P2RY2: variants seen among roughly 807,000 people sequenced by gnomAD.
The protein encoded by P2RY2 is P2Y purinoceptor 2.
For synonymous variants in P2RY2, 241 were observed against 231.9 expected, an observed-to-expected ratio of 1.04 and a Z score of -0.35; for missense variants, 567 against 515.7, an observed-to-expected ratio of 1.10 and a Z score of -0.96.
rs771515142 is a variant in P2RY2, at chr11:73,235,156, C to T, written c.997C>T (p.Arg333Cys). 9.9e-6 allele frequency: 16 copies of T among 1,608,412 alleles called. No individual in the cohort carries two copies. Among genetic ancestry groups the T allele is most frequent in the Non-Finnish European group, 1.4e-5 (16 of 1,179,272 alleles). ...PTGPSPATPA[R>C]RRLGLRRSDR... ...TGGCCCCAGCCCTGCCACCCCGGCT[C>T]GCCGCAGGCTGGGCCTGCGCAGATC... The change falls in exon 3 of 3, where the codon CGC (arginine) becomes TGC (cysteine). Residue 333 changes from arginine (R) to cysteine (C), a missense_variant. By Grantham distance (180) the Arg-to-Cys change is radical. Coordinates refer to ENST00000393597, the MANE Select transcript of P2RY2 (RefSeq NM_002564.4).
At chr11:73,222,374 C>T (rs984463061) in intron 1 of P2RY2, among the ~76,000 whole-genome samples, 22 of 152,010 alleles carry the variant, frequency 1.4e-4, no homozygotes, top group African/African-American at 5.1e-4. Flanking sequence ...TGTGTCGTCT[C>T]CTCCTTGGTC....
rs1565149807 is a variant in P2RY2 at position 73,240,955 on chromosome 11, A to C, written c.*5662A>C. ...CCACAAATCCATATGTCAAAATCCC[A>C]ACTGCCAAGGTGATGGTATTAGAAG... On this transcript the variant is annotated 3_prime_UTR_variant, in exon 3 of 3. Transcript: ENST00000393597. 1.3e-5 allele frequency: 2 copies of C among 152,238 alleles called. No individual in the cohort carries two copies. Among genetic ancestry groups the C allele is most frequent in the Non-Finnish European group, 2.9e-5 (2 of 68,070 alleles). 9.4% of individuals were successfully genotyped at this position (152,238 alleles called of 1,614,324 possible).
chr11:73,235,267 G>T lies in P2RY2; in HGVS notation c.1108G>T (p.Glu370Ter). Residue 370 changes from glutamate (E) to a stop codon, truncating the protein, a stop_gained, in exon 3 of 3, where the codon GAG becomes TAG. Transcript: ENST00000393597. LOFTEE classifies it high-confidence loss of function. Reference protein sequence around the residue: ...RRTESTPAGSENTKDIRL With the variant: ...RRTESTPAGS ...GACAGAGTCCACGCCGGCTGGTAGC[G>T]AGAACACTAAGGACATTCGGCTGTA... The T allele has an allele frequency of 6.3e-7, 1 of 1,576,280 alleles. No homozygotes were observed. The highest frequency in any genetic ancestry group is 8.6e-7 in the Non-Finnish European group (1 of 1,160,866).
rs759262200 is a variant in P2RY2 at position 73,236,092 on chromosome 11, C to T, written c.*799C>T. 44 of 997,828 alleles carry T rather than the reference C, an allele frequency of 4.4e-5. No homozygotes were observed. The highest frequency in any genetic ancestry group is 5.2e-5 in the Non-Finnish European group (43 of 827,912). 61.8% of individuals were successfully genotyped at this position (997,828 alleles called of 1,614,324 possible). ...TATCAGGGATCCTCTCTCCAGGCCC[C>T]AGGTCATCCCCCACTGTAAAGCCAG... On this transcript the variant is annotated 3_prime_UTR_variant, in exon 3 of 3. Transcript: ENST00000393597.
At chr11:73,233,897 A>G in intron 2 of P2RY2, 1 of 525,236 alleles carries the variant, frequency 1.9e-6, no homozygotes, top group South Asian at 2.7e-5. Context: ...GTTGTGTTCC[A>G]ACAAAGCTGA....
rs994929302 is a variant in P2RY2 at position 73,239,225 on chromosome 11, T to A, written c.*3932T>A. ...ACATGTTTTGAAGGAGAGGACAGTG[T>A]GTCTGGCCAGTGAGCAACAGTGGGC... On this transcript the variant is annotated 3_prime_UTR_variant, in exon 3 of 3. Coordinates refer to ENST00000393597, the MANE Select transcript of P2RY2 (RefSeq NM_002564.4). 1 of 152,312 alleles carries A rather than the reference T, an allele frequency of 6.6e-6. No homozygotes were observed. The highest frequency in any genetic ancestry group is 1.5e-5 in the Non-Finnish European group (1 of 68,088). 9.4% of individuals were successfully genotyped at this position (152,312 alleles called of 1,614,324 possible).
At chr11:73,219,848 G>C (rs1463381011) in intron 1 of P2RY2, among the ~76,000 whole-genome samples, 1 of 152,198 alleles carries the variant, frequency 6.6e-6, no homozygotes, top group Admixed American at 6.5e-5. Context: ...TTGGGACCCA[G>C]CTCAGATGTC....
At chr11:73,225,220 C>T (rs1419294007) in intron 1 of P2RY2, among the ~76,000 whole-genome samples, 4 of 152,222 alleles carry the variant, frequency 2.6e-5, no homozygotes, top group Non-Finnish European at 5.9e-5. Context: ...ATCCAACCAC[C>T]CTGGAAATTC....
intron 2 of P2RY2, among the ~76,000 whole-genome samples, chr11:73,232,355 ATTGGAGAACTGGGGATGGTGAC>A (rs1212487523): frequency 2.0e-5 from 3 of 152,132 alleles, no homozygotes; most frequent in African/African-American, 7.2e-5. Flanking sequence ...TAGCCTCTTG[ATTGGAGAACTGGGGATGGTGAC>A]TTGGCCCCCA....
At position 73,235,275 on chromosome 11, in the gene P2RY2, T is replaced by C; in HGVS notation, c.1116T>C (p.Thr372=). Reference sequence around the variant, plus strand: ...CCACGCCGGCTGGTAGCGAGAACACTAAGGACATTCGGCTGTAGGAGCAGA... The same window carrying C: ...CCACGCCGGCTGGTAGCGAGAACACCAAGGACATTCGGCTGTAGGAGCAGA... ...TESTPAGSEN[T]KDIRL is the part of the protein sequence containing the mutation. The change falls in exon 3 of 3, where the codon ACT becomes ACC. Residue 372 remains threonine (T), a synonymous_variant. Transcript: ENST00000393597. 6.4e-7 allele frequency: 1 copy of C among 1,564,700 alleles called. No homozygotes were observed. Among genetic ancestry groups the C allele is most frequent in the East Asian group, 2.3e-5 (1 of 44,360 alleles).
rs966284811 is a variant in P2RY2, at chr11:73,237,752, C to T, written c.*2459C>T. On this transcript the variant is annotated 3_prime_UTR_variant, in exon 3 of 3. Transcript: ENST00000393597. ...GGACTGCCTGGCCCCTTGGTATGCA[C>T]GTCCCACCTTGCTGCTCAGTGCCCA... Among the ~76,000 whole-genome samples, 6 of 152,166 alleles carry T rather than the reference C, an allele frequency of 3.9e-5. No individual in the cohort carries two copies. Among genetic ancestry groups the T allele is most frequent in the South Asian group, 4.1e-4 (2 of 4,824 alleles).
intron 1 of P2RY2, among the ~76,000 whole-genome samples, chr11:73,221,921 G>T (rs573168846): frequency 7.2e-6 from 1 of 138,650 alleles, no homozygotes; most frequent in East Asian, 1.9e-4. Context: ...TAGGCATGGA[G>T]TAGAAGGGGA....
chr11:73,224,994 G>A (rs72968176), intron 1 of P2RY2, among the ~76,000 whole-genome samples: 8 of 152,306 alleles, frequency 5.3e-5, no homozygotes, highest in Admixed American at 4.6e-4. Flanking sequence ...AGGAGAACTC[G>A]GATTTCCCAC....
rs1862709945 is a variant in P2RY2, at chr11:73,238,614, C to T, written c.*3321C>T. Among the ~76,000 whole-genome samples the T allele has an allele frequency of 6.6e-6, 1 of 152,196 alleles. No homozygotes were observed. The highest frequency in any genetic ancestry group is 6.5e-5 in the Admixed American group (1 of 15,282). ...TTGACCCATGTCCCACGCACCCTCT[C>T]ATCTATGTTATATGGTGGATGCTTC... On this transcript the variant is annotated 3_prime_UTR_variant, in exon 3 of 3. Transcript: ENST00000393597.
intron 1 of P2RY2, among the ~76,000 whole-genome samples, chr11:73,219,635 C>T (rs1183867510): frequency 6.6e-6 from 1 of 152,214 alleles, no homozygotes; most frequent in African/African-American, 2.4e-5. Flanking sequence ...CAGGACCAAG[C>T]CTGAACCCTG....
At position 73,235,111 on chromosome 11, in the gene P2RY2, C is replaced by G. The variant is rs559442375; in HGVS notation, c.952C>G (p.Arg318Gly). 5.6e-6 allele frequency: 9 copies of G among 1,606,756 alleles called. No individual in the cohort carries two copies. Among genetic ancestry groups the G allele is most frequent in the Admixed American group, 1.7e-5 (1 of 59,868 alleles). The change falls in exon 3 of 3, where the codon CGA becomes GGA. Residue 318 changes from arginine (R) to glycine (G), a missense_variant. Transcript: ENST00000393597. ...TGGGCAGAGGCTCGTACGCTTTGCC[C>G]GAGATGCCAAGCCACCCACTGGCCC... Reference protein sequence around the residue: ...LAGQRLVRFARDAKPPTGPSP... With the variant: ...LAGQRLVRFAGDAKPPTGPSP...
chr11:73,223,881 C>T (rs979156731), intron 1 of P2RY2, among the ~76,000 whole-genome samples: 1 of 152,150 alleles, frequency 6.6e-6, no homozygotes, highest in South Asian at 2.1e-4. Flanking sequence ...AACACTAGAC[C>T]TTGAGTAAGG....
At chr11:73,229,810 C>T (rs970685935) in intron 2 of P2RY2, among the ~76,000 whole-genome samples, 3 of 152,048 alleles carry the variant, frequency 2.0e-5, no homozygotes, top group African/African-American at 7.3e-5. Flanking sequence ...GAAGGGAAGT[C>T]AGGCCTCGGC....
chr11:73,231,776 A>T (rs1166263860), intron 2 of P2RY2, among the ~76,000 whole-genome samples: 2 of 151,546 alleles, frequency 1.3e-5, no homozygotes, highest in Non-Finnish European at 2.9e-5. Context: ...TATTCCAGGC[A>T]TGATGGCTCA....
Sources: gnomAD v4.1 joint callset for allele counts (sites outside exome capture counted in the v4.1 genomes callset) on GRCh38, gnomAD v4.1.1 for gene constraint, MANE v1.5 for transcripts, NCBI Gene and HGNC (gene_info 2026-07-23, HGNC 2026-07-21) for gene names.